METAP1D: variants seen among roughly 807,000 people sequenced by gnomAD.
The protein encoded by METAP1D is methionine aminopeptidase 1D, mitochondrial.
Under a neutral mutation model 40.5 loss-of-function variants are expected in METAP1D, and 31 were observed. The observed-to-expected ratio is 0.77, with a 90% confidence interval of 0.58 to 1.03. The LOEUF is 1.03. Among genes scored for constraint, METAP1D ranks in the 50% least tolerant of loss-of-function variants. The probability of loss-of-function intolerance (pLI) is 0.00; values close to 1 mark genes in which losing one functional copy is unlikely to be tolerated. For synonymous variants in METAP1D, 151 were observed against 146.4 expected (o/e 1.03, Z -0.22); for missense variants, 411 against 420.7 (o/e 0.98, Z 0.20).
chr2:172,013,575 T>C (rs1174011273), intron 1 of METAP1D, among the ~76,000 whole-genome samples: 2 of 151,886 alleles, frequency 1.3e-5, no homozygotes, highest in East Asian at 3.9e-4. Flanking sequence ...AAAGACAGGA[T>C]GGCAGGGAGA....
At chr2:172,039,609 T>G (rs939718374) in intron 1 of METAP1D, among the ~76,000 whole-genome samples, 3 of 152,094 alleles carry the variant, frequency 2.0e-5, no homozygotes, top group African/African-American at 7.2e-5. Context: ...AGTTTTGGTA[T>G]TATTGTTGAT....
intron 1 of METAP1D, among the ~76,000 whole-genome samples, chr2:172,000,771 C>A (rs1169545623): frequency 6.6e-6 from 1 of 152,186 alleles, no homozygotes; most frequent in East Asian, 1.9e-4. Context: ...GTACACGATA[C>A]TGTGTTAAGC....
intron 8 of METAP1D, 66 bp downstream of exon 8, chr2:172,079,328 G>T: frequency 6.7e-7 from 1 of 1,497,000 alleles, no homozygotes; most frequent in Non-Finnish European, 9.3e-7. Flanking sequence ...ACTGGCCTAG[G>T]CCCGGCAGTC....
chr2:172,062,363 C>G (rs1468330397), intron 2 of METAP1D, among the ~76,000 whole-genome samples: 2 of 152,184 alleles, frequency 1.3e-5, no homozygotes, highest in African/African-American at 4.8e-5. Flanking sequence ...ACTTTTATGG[C>G]AAAGGCCAGT....
intron 1 of METAP1D, among the ~76,000 whole-genome samples, chr2:172,005,520 T>TTATATATATATATATATATATATATA (rs34982215): frequency 2.0e-4 from 22 of 110,928 alleles, no homozygotes; most frequent in Admixed American, 4.3e-4. Flanking sequence ...TGTCTGTATT[T>TTATATATATATATATATATATATATA]TATATATATA....
intron 1 of METAP1D, among the ~76,000 whole-genome samples, chr2:172,055,901 G>A (rs748639255): frequency 3.9e-5 from 6 of 152,010 alleles, no homozygotes; most frequent in African/African-American, 7.3e-5. Flanking sequence ...GCATCTTTTC[G>A]GCAGTGAGGC....
chr2:172,060,054 A>G lies in METAP1D; in HGVS notation c.41-1444A>G, dbSNP rs191533019. On this transcript the variant is annotated intron_variant, in intron 1 of 9. Transcript: ENST00000315796. Reference sequence around the variant, plus strand: ...CGACTGAGTGAGACTCCGTCTCAAAAAAAAGAAACCAAAAAACAAAAAACA... The same window carrying G: ...CGACTGAGTGAGACTCCGTCTCAAAGAAAAGAAACCAAAAAACAAAAAACA... 3.0e-3 allele frequency among the ~76,000 whole-genome samples: 457 copies of G among 152,260 alleles called. 1 individual carries two copies. Among genetic ancestry groups the G allele is most frequent in the Non-Finnish European group, 4.6e-3 (315 of 68,024 alleles).
At chr2:172,061,436 T>C in intron 1 of METAP1D, 62 bp from the exon 2 acceptor site, 2 of 1,422,198 alleles carry the variant, frequency 1.4e-6, no homozygotes, top group Non-Finnish European at 1.9e-6. Flanking sequence ...CCACAACATC[T>C]TAAAGTGGAG....
At chr2:172,059,675 AAC>A (rs1287068809) in intron 1 of METAP1D, among the ~76,000 whole-genome samples, 1 of 152,264 alleles carries the variant, frequency 6.6e-6, no homozygotes, top group Non-Finnish European at 1.5e-5. Flanking sequence ...GCTGTATAAA[AAC>A]AGTCAGCAGT....
At chr2:172,005,065 C>A (rs769257260) in intron 1 of METAP1D, among the ~76,000 whole-genome samples, 3 of 152,058 alleles carry the variant, frequency 2.0e-5, no homozygotes, top group African/African-American at 4.8e-5. Flanking sequence ...TAGGCGCACA[C>A]CACCACACCC....
At chr2:172,053,255 T>C (rs540339622) in intron 1 of METAP1D, among the ~76,000 whole-genome samples, 4 of 152,286 alleles carry the variant, frequency 2.6e-5, no homozygotes, top group Non-Finnish European at 5.9e-5. Context: ...CTCTGAGTAA[T>C]TGGTTGGAGT....
rs147002808 is a variant in METAP1D at position 172,056,967 on chromosome 2, A to AT, written c.41-4530dup. ...TTACATGATATTTACATTTTTCATGATAAAAAAAACTGACCTTGAAATCTA... is the reference window on the plus strand; with the variant it reads ...TTACATGATATTTACATTTTTCATGATTAAAAAAAACTGACCTTGAAATCTA... On this transcript the variant is annotated intron_variant, in intron 1 of 9. Coordinates refer to ENST00000315796, the MANE Select transcript of METAP1D (RefSeq NM_199227.3). Among the ~76,000 whole-genome samples the AT allele has an allele frequency of 7.5e-3, 1,123 of 150,700 alleles. 14 individuals carry two copies. The highest frequency in any genetic ancestry group is 0.042 in the East Asian group (170 of 4,010).
At chr2:172,024,450 A>G (rs72892830) in intron 1 of METAP1D, among the ~76,000 whole-genome samples, 6,455 of 152,190 alleles carry the variant, frequency 0.042, 224 homozygotes, top group Non-Finnish European at 0.059. Flanking sequence ...CTTTACAAAC[A>G]AGAATAATTC....
At chr2:172,076,300 T>C (rs1690544258) in intron 6 of METAP1D, among the ~76,000 whole-genome samples, 1 of 149,836 alleles carries the variant, frequency 6.7e-6, no homozygotes. Context: ...TTTATAGGTT[T>C]AGGGAGAAAC....
intron 1 of METAP1D, among the ~76,000 whole-genome samples, chr2:172,034,753 A>G (rs1269905408): frequency 6.6e-6 from 1 of 152,238 alleles, no homozygotes; most frequent in Non-Finnish European, 1.5e-5. Context: ...TAGAGTAATT[A>G]TAAGACTTCA....
intron 1 of METAP1D, among the ~76,000 whole-genome samples, chr2:172,037,214 A>G (rs1311882743): frequency 6.6e-6 from 1 of 151,990 alleles, no homozygotes; most frequent in Non-Finnish European, 1.5e-5. Context: ...GTAAGCCAAA[A>G]TCGTGCCGTT....
chr2:172,045,212 G>T lies in METAP1D; in HGVS notation c.41-16286G>T, dbSNP rs1422618157. ...TTTTACACATTTAAACTAAAAAGAAGTCATCACTTGTGCAACTGTACTTGT... is the reference window on the plus strand; with the variant it reads ...TTTTACACATTTAAACTAAAAAGAATTCATCACTTGTGCAACTGTACTTGT... On this transcript the variant is annotated intron_variant, in intron 1 of 9. Coordinates refer to ENST00000315796, the MANE Select transcript of METAP1D (RefSeq NM_199227.3). Among the ~76,000 whole-genome samples, 15 of 133,732 alleles carry T rather than the reference G, an allele frequency of 1.1e-4. 4 individuals carry two copies. The highest frequency in any genetic ancestry group is 8.2e-4 in the Admixed American group (11 of 13,406). 87.7% of individuals were successfully genotyped at this position (133,732 alleles called of 152,430 possible).
At chr2:172,037,735 C>T (rs528255804) in intron 1 of METAP1D, among the ~76,000 whole-genome samples, 29 of 152,312 alleles carry the variant, frequency 1.9e-4, no homozygotes, top group African/African-American at 6.7e-4. Flanking sequence ...ATATCTAGAC[C>T]TCCTACCCCG....
chr2:172,079,361 AT>A, intron 8 of METAP1D, 99 bp downstream of exon 8: 1 of 1,061,470 alleles, frequency 9.4e-7, no homozygotes, highest in Non-Finnish European at 1.5e-6. Context: ...AATAAAGCCA[AT>A]CAGTGTAATG....
Sources: allele counts gnomAD v4.1 joint callset (sites outside exome capture counted in the v4.1 genomes callset), GRCh38; gene constraint gnomAD v4.1.1; transcripts MANE v1.5; gene names NCBI Gene and HGNC (gene_info 2026-07-23, HGNC 2026-07-21).